DGKB: variants seen among roughly 807,000 people sequenced by gnomAD.
The protein encoded by DGKB is 90 kDa diacylglycerol kinase.
In DGKB, 67 loss-of-function variants were observed where a neutral mutation model predicts 114.3. The observed-to-expected ratio is 0.59, with a 90% CI of 0.48 to 0.72. DGKB has a LOEUF of 0.72. DGKB is among the 30% of genes least tolerant of loss of function. The pLI is 0.00. For missense variants in DGKB, 907 were observed against 975.2 expected (o/e 0.93, Z 0.93); for synonymous variants, 398 against 323.1 (o/e 1.23, Z -2.49).
chr7:14,824,062 G>A (rs1424340347), intron 2 of DGKB, among the ~76,000 whole-genome samples: 1 of 152,060 alleles, frequency 6.6e-6, no homozygotes, highest in Non-Finnish European at 1.5e-5. Context: ...AGCTTGTGTA[G>A]GGGAACTCCC....
intron 23 of DGKB, among the ~76,000 whole-genome samples, chr7:14,193,028 G>A (rs1043404922): frequency 2.0e-4 from 31 of 152,136 alleles, no homozygotes; most frequent in African/African-American, 5.5e-4. Flanking sequence ...GCGGTAATGC[G>A]AGTGATGGGG....
intron 13 of DGKB, among the ~76,000 whole-genome samples, chr7:14,641,754 A>G (rs1253243439): frequency 6.6e-6 from 1 of 152,068 alleles, no homozygotes; most frequent in Non-Finnish European, 1.5e-5. Flanking sequence ...GATCACTGAA[A>G]ATTTAACAAA....
chr7:14,289,398 T>C (rs980091724), intron 23 of DGKB, among the ~76,000 whole-genome samples: 12 of 152,182 alleles, frequency 7.9e-5, no homozygotes, highest in African/African-American at 2.7e-4. Flanking sequence ...ACAAATATAA[T>C]ATTGGCAGTT....
At chr7:14,447,669 C>T (rs921235553) in intron 21 of DGKB, among the ~76,000 whole-genome samples, 9 of 151,924 alleles carry the variant, frequency 5.9e-5, no homozygotes, top group Non-Finnish European at 8.8e-5. Context: ...GGAACATGTC[C>T]GGATCTCACA....
chr7:14,545,852 A>G (rs911559989), intron 20 of DGKB, among the ~76,000 whole-genome samples: 6 of 152,216 alleles, frequency 3.9e-5, no homozygotes, highest in Admixed American at 3.3e-4. Flanking sequence ...ACTAAAGTAG[A>G]CCACTTTTAT....
chr7:14,759,665 G>A (rs532896464), intron 2 of DGKB, among the ~76,000 whole-genome samples: 3 of 152,250 alleles, frequency 2.0e-5, no homozygotes, highest in South Asian at 4.1e-4. Flanking sequence ...ATCAGCTGAT[G>A]TACATTCAAC....
intron 23 of DGKB, among the ~76,000 whole-genome samples, chr7:14,182,822 T>C (rs755831923): frequency 4.6e-5 from 7 of 152,164 alleles, no homozygotes; most frequent in Non-Finnish European, 1.0e-4. Context: ...CAGACTGCCA[T>C]ATGTGAAGAA....
At chr7:14,536,374 T>A (rs989793572) in intron 20 of DGKB, among the ~76,000 whole-genome samples, 1 of 152,140 alleles carries the variant, frequency 6.6e-6, no homozygotes, top group African/African-American at 2.4e-5. Flanking sequence ...TGAACATGAA[T>A]GCAATATCCC....
At chr7:14,613,839 A>G (rs1196808535) in intron 15 of DGKB, among the ~76,000 whole-genome samples, 1 of 152,084 alleles carries the variant, frequency 6.6e-6, no homozygotes, top group Admixed American at 6.6e-5. Flanking sequence ...GTCCTAATTG[A>G]GAGTTTCGAG....
At chr7:14,729,293 T>C (rs1830542948) in intron 5 of DGKB, among the ~76,000 whole-genome samples, 1 of 132,084 alleles carries the variant, frequency 7.6e-6, no homozygotes, top group South Asian at 2.2e-4. Context: ...CGGCTAATTT[T>C]TTGTATTTTT....
chr7:14,482,809 C>T (rs1433621959), intron 20 of DGKB, among the ~76,000 whole-genome samples: 2 of 152,078 alleles, frequency 1.3e-5, no homozygotes, highest in African/African-American at 4.8e-5. Flanking sequence ...GCACTATTTT[C>T]ACCTGTTAAT....
chr7:14,963,649 G>T (rs894666811), intron 1 of DGKB, among the ~76,000 whole-genome samples: 2 of 152,168 alleles, frequency 1.3e-5, no homozygotes, highest in African/African-American at 4.8e-5. Flanking sequence ...CAGAGACAAT[G>T]GTTGGACAAT....
intron 1 of DGKB, among the ~76,000 whole-genome samples, chr7:14,862,109 T>G (rs1475564071): frequency 2.6e-5 from 4 of 152,028 alleles, no homozygotes; most frequent in Non-Finnish European, 5.9e-5. Flanking sequence ...TAACTATTAA[T>G]GAACTTGAGA....
intron 2 of DGKB, among the ~76,000 whole-genome samples, chr7:14,778,356 G>GT (rs141596824): frequency 0.015 from 2,318 of 150,576 alleles, 35 homozygotes; most frequent in African/African-American, 0.047. Context: ...CTGTTTTCTT[G>GT]TTTTTTTTTC....
At chr7:14,929,251 T>C (rs1292494759) in intron 1 of DGKB, among the ~76,000 whole-genome samples, 1 of 152,034 alleles carries the variant, frequency 6.6e-6, no homozygotes, top group Non-Finnish European at 1.5e-5. Context: ...AGATAACCAA[T>C]AGTGGGATTG....
intron 23 of DGKB, among the ~76,000 whole-genome samples, chr7:14,263,206 C>T (rs1379719301): frequency 6.6e-6 from 1 of 152,104 alleles, no homozygotes; most frequent in Non-Finnish European, 1.5e-5. Context: ...CCCGAGTAAA[C>T]TGTGAGTTTG....
chr7:14,325,683 C>T (rs1048455759), intron 23 of DGKB, among the ~76,000 whole-genome samples: 5 of 152,132 alleles, frequency 3.3e-5, no homozygotes, highest in African/African-American at 1.2e-4. Flanking sequence ...GAGGACTCTA[C>T]TACTTTAATC....
At chr7:14,464,135 T>G (rs1833496896) in intron 21 of DGKB, among the ~76,000 whole-genome samples, 2 of 152,104 alleles carry the variant, frequency 1.3e-5, no homozygotes, top group African/African-American at 4.8e-5. Flanking sequence ...TTAAATTACT[T>G]TAGTTATATT....
At chr7:14,709,137 C>T (rs563496484) in intron 6 of DGKB, among the ~76,000 whole-genome samples, 10 of 151,496 alleles carry the variant, frequency 6.6e-5, no homozygotes, top group African/African-American at 2.4e-4. Flanking sequence ...CAAACAACCC[C>T]ATCAAAAAGT....
Sources: allele counts gnomAD v4.1 joint callset (sites outside exome capture counted in the v4.1 genomes callset), GRCh38; gene constraint gnomAD v4.1.1; transcripts MANE v1.5; gene names NCBI Gene and HGNC (gene_info 2026-07-23, HGNC 2026-07-21).